The following LDLRAD2 variants were observed in gnomAD, a reference collection of about 807,000 sequenced individuals.
LDLRAD2 encodes the protein low-density lipoprotein receptor class A domain-containing protein 2.
Under a neutral mutation model 24.9 loss-of-function variants are expected in LDLRAD2, and 25 were observed. That is an observed-to-expected ratio of 1.00 (90% CI 0.73 to 1.40). The LOEUF (loss-of-function observed/expected upper bound fraction) is 1.40. Among genes scored for constraint, LDLRAD2 ranks in the 40% most tolerant of loss-of-function variants. LDLRAD2 has a pLI of 0.00. For synonymous variants in LDLRAD2, 182 were observed against 166.7 expected (o/e 1.09, Z -0.71); for missense variants, 391 against 366.2 (o/e 1.07, Z -0.55).
At chr1:21,820,421 G>A (rs2097949321) in intron 3 of LDLRAD2, among the ~76,000 whole-genome samples, 1 of 151,788 alleles carries the variant, frequency 6.6e-6, no homozygotes, top group South Asian at 2.1e-4. Flanking sequence ...TACTCGGGAG[G>A]CTGAGGCAGG....
intron 3 of LDLRAD2, among the ~76,000 whole-genome samples, chr1:21,818,244 T>G: frequency 6.7e-6 from 1 of 149,330 alleles, no homozygotes; most frequent in Non-Finnish European, 1.5e-5. Flanking sequence ...ACTCCTGACC[T>G]CAAGTGATCC....
chr1:21,822,129 GGGGGCCTC>G lies in LDLRAD2; in HGVS notation c.806-71_806-64del, dbSNP rs2097953157. ...TCCTGCCTCACAGGGTTGGGGGCCT[GGGGGCCTC>G]GCTGATCCCAAGCCAGCTTGCTTCA... On this transcript the variant is annotated intron_variant, in intron 4 of 4. Transcript: ENST00000344642. 3 of 1,612,708 alleles carry G rather than the reference GGGGGCCTC, an allele frequency of 1.9e-6. No individual in the cohort carries two copies. The South Asian group carries it at 3.3e-5, about 18-fold the overall frequency.
intron 4 of LDLRAD2, chr1:21,821,974 G>A (rs1027561192): frequency 1.5e-5 from 22 of 1,424,360 alleles, no homozygotes; most frequent in Admixed American, 5.7e-5. Context: ...GAGGGGCTTC[G>A]GGCACATGGG....
rs2097954229 is a variant in LDLRAD2, at chr1:21,822,452, C to G, written c.*237C>G. The G allele has an allele frequency of 7.2e-6, 4 of 555,354 alleles. No homozygotes were observed. The Admixed American group carries it at 1.2e-4, about 17-fold the overall frequency. The allele number at this position is 555,354 out of a possible 1,614,324, so 34.4% of individuals were successfully genotyped here. ...CTCAGTCGTGAGTCCTGCCTTCCCC[C>G]ACCTAAGGCACTAGCTCTTCCTGAG... is the stretch of plus-strand genomic sequence containing the variant. On this transcript the variant is annotated 3_prime_UTR_variant, in exon 5 of 5. Coordinates refer to ENST00000344642, the MANE Select transcript of LDLRAD2 (RefSeq NM_001013693.3).
chr1:21,812,852 T>C (rs2097939955), intron 1 of LDLRAD2, among the ~76,000 whole-genome samples: 1 of 152,146 alleles, frequency 6.6e-6, no homozygotes, highest in Non-Finnish European at 1.5e-5. Context: ...TTCTTATGTT[T>C]GTACCTTTGA....
At chr1:21,820,023 C>T (rs1404927896) in intron 3 of LDLRAD2, among the ~76,000 whole-genome samples, 1 of 152,142 alleles carries the variant, frequency 6.6e-6, no homozygotes, top group African/African-American at 2.4e-5. Context: ...ATCTTGAGAA[C>T]AGCACCAAAC....
intron 3 of LDLRAD2, among the ~76,000 whole-genome samples, chr1:21,818,884 C>CCCTCCCTGGCCCCGCCT (rs2097947126): frequency 7.4e-6 from 1 of 134,504 alleles, no homozygotes. Context: ...CCCGCCCCAC[C>CCCTCCCTGGCCCCGCCT]CCTCCCTGGC....
intron 3 of LDLRAD2, among the ~76,000 whole-genome samples, chr1:21,818,720 C>A (rs67187520): frequency 0.022 from 3,328 of 152,282 alleles, 58 homozygotes; most frequent in South Asian, 0.06. Context: ...GCCAGAGGTA[C>A]CTTTTAAAAC....
Position 21,812,491 on chromosome 1 carries a change from C to T in LDLRAD2, c.40C>T (p.Leu14Phe), listed in dbSNP as rs767236018. The T allele has an allele frequency of 5.0e-6, 8 of 1,614,202 alleles. No homozygotes were observed. In the Admixed American group the frequency reaches 5.0e-5, roughly 10 times the overall value. The change falls in exon 1 of 5, where the codon CTC becomes TTC. Residue 14 changes from leucine (L) to phenylalanine (F), a missense_variant. Coordinates refer to ENST00000344642, the MANE Select transcript of LDLRAD2 (RefSeq NM_001013693.3). ...TCTTCTGCAGTTGCCCCAAAGGTTG[C>T]TCTTGCTGGGGGCAGCCGCCCTGAC... ...CCLLQLPQRL[L>F]LLGAAALTAT...
In LDLRAD2 at chr1:21,824,475, C is replaced by T. The variant is rs897318927; in HGVS notation, c.*2260C>T. ...TTTCCCCTCCCCCCACCACTCCGGC[C>T]ACCAGGAAGCCAGCTTCCTGCCCCA... On this transcript the variant is annotated 3_prime_UTR_variant, in exon 5 of 5. Coordinates refer to ENST00000344642, the MANE Select transcript of LDLRAD2 (RefSeq NM_001013693.3). The surrounding 1 kb of genome is among the most constrained non-coding windows in gnomAD (Gnocchi z 5.9). 8.7e-6 allele frequency: 14 copies of T among 1,605,012 alleles called. No homozygotes were observed. The highest frequency in any genetic ancestry group is 1.0e-5 in the Non-Finnish European group (12 of 1,174,170).
intron 3 of LDLRAD2, among the ~76,000 whole-genome samples, chr1:21,820,756 C>T (rs2097950323): frequency 6.6e-6 from 1 of 152,184 alleles, no homozygotes; most frequent in Admixed American, 6.6e-5. Flanking sequence ...TCAAGAAATA[C>T]TAGTCAAATG....
Position 21,822,843 on chromosome 1 carries a change from C to T in LDLRAD2, c.*628C>T. 1 of 161,584 alleles carries T rather than the reference C, an allele frequency of 6.2e-6. No homozygotes were observed. The highest frequency in any genetic ancestry group is 1.4e-5 in the Non-Finnish European group (1 of 73,552). 10.0% of individuals were successfully genotyped at this position (161,584 alleles called of 1,614,324 possible). On this transcript the variant is annotated 3_prime_UTR_variant, in exon 5 of 5. Coordinates refer to ENST00000344642, the MANE Select transcript of LDLRAD2 (RefSeq NM_001013693.3). ...GGGTGAGCTGCCTTTTGCTCCACAG[C>T]CGGCACTAAAGACAATTCCCAATCC...
Position 21,821,441 on chromosome 1 carries a change from C to G in LDLRAD2, c.644-9C>G, listed in dbSNP as rs757172633. 6.2e-7 allele frequency: 1 copy of G among 1,613,940 alleles called. No homozygotes were observed. The highest frequency in any genetic ancestry group is 1.1e-5 in the South Asian group (1 of 91,082). ...TCTCAGTGTGCTAGTTCTGTTCTTT[C>G]CCATGCAGGTCCCTCTCCGGTGCCC... On this transcript the variant is annotated splice_polypyrimidine_tract_variant and intron_variant, in intron 3 of 4. Coordinates refer to ENST00000344642, the MANE Select transcript of LDLRAD2 (RefSeq NM_001013693.3).
At position 21,823,298 on chromosome 1, in the gene LDLRAD2, T is replaced by C. The variant is rs1225897515; in HGVS notation, c.*1083T>C. On this transcript the variant is annotated 3_prime_UTR_variant, in exon 5 of 5. Transcript: ENST00000344642. ...GGCTGGGGCGTGGCCCGGGAGTCCG[T>C]GTGGGGCAGGCAGGTGCCTACGAGG... 10 of 1,509,426 alleles carry C rather than the reference T, an allele frequency of 6.6e-6. No individual in the cohort carries two copies. The highest frequency in any genetic ancestry group is 8.9e-6 in the Non-Finnish European group (10 of 1,129,338). 93.5% of individuals were successfully genotyped at this position (1,509,426 alleles called of 1,614,324 possible).
intron 3 of LDLRAD2, 121 bp from the exon 4 acceptor site, chr1:21,821,329 C>A: frequency 7.5e-7 from 1 of 1,333,342 alleles, no homozygotes; most frequent in Non-Finnish European, 1.0e-6. Flanking sequence ...GTGACAACCT[C>A]TCTGTAAAAT....
At chr1:21,814,881 G>A in intron 2 of LDLRAD2, 58 bp downstream of exon 2, 1 of 1,385,094 alleles carries the variant, frequency 7.2e-7, no homozygotes, top group Admixed American at 3.3e-5. Context: ...CGGGACTGGG[G>A]CCACAGTGGG....
rs2097958532 is a variant in LDLRAD2, at chr1:21,823,632, C to T, written c.*1417C>T. 1 of 1,613,708 alleles carries T rather than the reference C, an allele frequency of 6.2e-7. No individual in the cohort carries two copies. The highest frequency in any genetic ancestry group is 8.5e-7 in the Non-Finnish European group (1 of 1,179,968). ...CAGACTTACCGATGTAGACGCTGCC[C>T]TTGGCGTTGACTGCCACGTTGGGAC... On this transcript the variant is annotated 3_prime_UTR_variant, in exon 5 of 5. Transcript: ENST00000344642.
Position 21,814,538 on chromosome 1 carries a change from C to A in LDLRAD2, c.226C>A (p.Arg76=), listed in dbSNP as rs1393655212. Residue 76 remains arginine (R), a synonymous_variant, in exon 2 of 5, where the codon CGG becomes AGG. Coordinates refer to ENST00000344642, the MANE Select transcript of LDLRAD2 (RefSeq NM_001013693.3). The part of the protein sequence containing the change: ...LWVQAAAPGD[R]IRFQFRFFLV... The stretch of plus-strand genomic sequence containing the variant: ...GGTGCAGGCGGCAGCCCCCGGCGAC[C>A]GGATCCGCTTCCAGTTCCGCTTCTT... 1 of 1,612,440 alleles carries A rather than the reference C, an allele frequency of 6.2e-7. No individual in the cohort carries two copies. The highest frequency in any genetic ancestry group is 2.2e-5 in the East Asian group (1 of 44,838).
At position 21,824,098 on chromosome 1, in the gene LDLRAD2, G is replaced by A. The variant is rs766977531; in HGVS notation, c.*1883G>A. 8.7e-6 allele frequency: 14 copies of A among 1,604,864 alleles called. No homozygotes were observed. The highest frequency in any genetic ancestry group is 5.3e-5 in the African/African-American group (4 of 74,804). On this transcript the variant is annotated 3_prime_UTR_variant, in exon 5 of 5. Transcript: ENST00000344642. This position sits in a 1 kb window ranked among gnomAD's most constrained non-coding sequence, Gnocchi z 5.9. ...ACTCCAGAACGCTGGGCCCCATCCC[G>A]AGTGCCCGGCAGGGTCCCTTACCGC...
Sources: gnomAD v4.1 joint callset for allele counts (sites outside exome capture counted in the v4.1 genomes callset) on GRCh38, gnomAD v4.1.1 for gene constraint, Gnocchi (gnomAD v3.1) non-coding constraint, MANE v1.5 for transcripts, NCBI Gene and HGNC (gene_info 2026-07-23, HGNC 2026-07-21) for gene names.